The following SNX29 variants were observed in gnomAD, a reference collection of about 807,000 sequenced individuals.
The protein encoded by SNX29 is sorting nexin-29.
A neutral mutation model predicts 102.1 loss-of-function variants in SNX29; 78 were observed. That is an observed-to-expected ratio of 0.76 (90% confidence interval 0.64 to 0.92). The LOEUF is 0.92. Among genes scored for constraint, SNX29 ranks in the 40% least tolerant of loss-of-function variants. The probability of loss-of-function intolerance (pLI) is 0.00; values close to 1 mark genes in which losing one functional copy is unlikely to be tolerated. For missense variants in SNX29, 1,280 were observed against 1,061.7 expected (o/e 1.21, Z -2.86); for synonymous variants, 580 against 414.5 (o/e 1.40, Z -4.85).
chr16:12,519,673 T>G, intron 19 of SNX29, among the ~76,000 whole-genome samples: 1 of 152,200 alleles, frequency 6.6e-6, no homozygotes, highest in African/African-American at 2.4e-5. Flanking sequence ...TTCATTAAAA[T>G]TTGTGCTGCT....
intron 19 of SNX29, among the ~76,000 whole-genome samples, chr16:12,497,760 A>G (rs911893463): frequency 3.9e-5 from 6 of 152,074 alleles, no homozygotes; most frequent in Non-Finnish European, 7.4e-5. Flanking sequence ...CAAGGCTTCC[A>G]TTGTATCCAC....
At chr16:12,247,098 G>T (rs1319217255) in intron 14 of SNX29, among the ~76,000 whole-genome samples, 1 of 152,238 alleles carries the variant, frequency 6.6e-6, no homozygotes, top group Non-Finnish European at 1.5e-5. Flanking sequence ...CCTAAACTGA[G>T]GGCTGGTGGT....
intron 19 of SNX29, among the ~76,000 whole-genome samples, chr16:12,488,623 T>G (rs1053150070): frequency 1.3e-5 from 2 of 152,170 alleles, no homozygotes; most frequent in African/African-American, 2.4e-5. Context: ...GTGGTTAATT[T>G]CCTTTCTCCC....
At chr16:12,383,030 G>A (rs926994634) in intron 16 of SNX29, among the ~76,000 whole-genome samples, 3 of 152,042 alleles carry the variant, frequency 2.0e-5, no homozygotes, top group Admixed American at 6.6e-5. Context: ...TCTTTTTGGA[G>A]GACACCGTTC....
At chr16:12,553,046 T>G (rs142043696) in intron 20 of SNX29, among the ~76,000 whole-genome samples, 1 of 152,306 alleles carries the variant, frequency 6.6e-6, no homozygotes, top group East Asian at 1.9e-4. Flanking sequence ...GGGACACTAA[T>G]TGGAGATGGT....
intron 15 of SNX29, among the ~76,000 whole-genome samples, chr16:12,293,491 C>T (rs147687239): frequency 9.1e-4 from 139 of 152,276 alleles, no homozygotes; most frequent in African/African-American, 3.3e-3. Context: ...TTTCTGTTTC[C>T]TGACACATTT....
rs372510269 is a variant in SNX29 at position 12,559,759 on chromosome 16, A to G, written c.2319-8747A>G. 5.9e-5 allele frequency among the ~76,000 whole-genome samples: 9 copies of G among 152,260 alleles called. No individual in the cohort carries two copies. In the East Asian group the frequency reaches 9.7e-4, roughly 16 times the overall value. ...AAATAGTGATGCCCAGCCTGACAGCAGTCACTCTGAAAGCATTACACAGCA... is the reference window on the plus strand; with the variant it reads ...AAATAGTGATGCCCAGCCTGACAGCGGTCACTCTGAAAGCATTACACAGCA... On this transcript the variant is annotated intron_variant, in intron 20 of 20. Coordinates refer to ENST00000566228, the MANE Select transcript of SNX29 (RefSeq NM_032167.5).
chr16:12,366,602 C>G (rs1355836907), intron 16 of SNX29, among the ~76,000 whole-genome samples: 5 of 152,194 alleles, frequency 3.3e-5, no homozygotes, highest in Admixed American at 6.5e-5. Context: ...ACTCACCAGC[C>G]TGGTCAGAGT....
intron 3 of SNX29, among the ~76,000 whole-genome samples, chr16:12,025,114 C>T (rs1403466205): frequency 4.6e-5 from 7 of 151,826 alleles, no homozygotes; most frequent in Middle Eastern, 3.2e-3. Flanking sequence ...CCAGCCTGGC[C>T]GACATGGTGA....
At chr16:12,380,649 A>ACCCACCAT (rs1487236769) in intron 16 of SNX29, among the ~76,000 whole-genome samples, 1 of 59,106 alleles carries the variant, frequency 1.7e-5, no homozygotes, top group Non-Finnish European at 3.1e-5. Flanking sequence ...CCATCCACCC[A>ACCCACCAT]CCATCCATCC....
intron 20 of SNX29, among the ~76,000 whole-genome samples, chr16:12,538,285 T>C (rs1456119162): frequency 6.6e-6 from 1 of 152,096 alleles, no homozygotes; most frequent in Non-Finnish European, 1.5e-5. Flanking sequence ...CTGGCTAATT[T>C]TGTATTTTTG....
At chr16:12,544,788 CA>C (rs1220210907) in intron 20 of SNX29, among the ~76,000 whole-genome samples, 12 of 152,314 alleles carry the variant, frequency 7.9e-5, no homozygotes, top group African/African-American at 2.9e-4. Context: ...ACTGCAGAGC[CA>C]GGATTCTAGA....
Position 12,086,227 on chromosome 16 carries a change from A to G in SNX29, c.1402+7312A>G, listed in dbSNP as rs529888017. Among the ~76,000 whole-genome samples, 9 of 151,292 alleles carry G rather than the reference A, an allele frequency of 5.9e-5. 1 individual carries two copies. The South Asian group carries it at 1.9e-3, about 32-fold the overall frequency. Reference sequence around the variant, plus strand: ...CACTGTGTTAGCCAGGATGGTCTCAATCTCCTTTCCTTGTGATCTGCCCGC... The same window carrying G: ...CACTGTGTTAGCCAGGATGGTCTCAGTCTCCTTTCCTTGTGATCTGCCCGC... On this transcript the variant is annotated intron_variant, in intron 11 of 20. Coordinates refer to ENST00000566228, the MANE Select transcript of SNX29 (RefSeq NM_032167.5).
At chr16:12,390,322 G>A (rs1038039161) in intron 16 of SNX29, among the ~76,000 whole-genome samples, 1 of 152,000 alleles carries the variant, frequency 6.6e-6, no homozygotes, top group Non-Finnish European at 1.5e-5. Context: ...TTCCCCCGTC[G>A]GAGCACAGAC....
At chr16:12,169,295 A>G (rs1288608689) in intron 13 of SNX29, among the ~76,000 whole-genome samples, 1 of 152,174 alleles carries the variant, frequency 6.6e-6, no homozygotes, top group Non-Finnish European at 1.5e-5. Flanking sequence ...TCAAAGCGCA[A>G]GTGACGCCGC....
At chr16:12,509,587 T>C (rs1263935904) in intron 19 of SNX29, among the ~76,000 whole-genome samples, 2 of 152,206 alleles carry the variant, frequency 1.3e-5, no homozygotes, top group African/African-American at 4.8e-5. Context: ...AGAAAATATC[T>C]TTCCTTTTTG....
chr16:12,270,894 T>C (rs2079072464), intron 14 of SNX29, among the ~76,000 whole-genome samples: 1 of 152,000 alleles, frequency 6.6e-6, no homozygotes, highest in East Asian at 1.9e-4. Context: ...ATACAAAAAA[T>C]TAGCTGGGCG....
intron 20 of SNX29, among the ~76,000 whole-genome samples, chr16:12,549,920 C>T (rs1278132495): frequency 6.6e-6 from 1 of 152,238 alleles, no homozygotes; most frequent in Non-Finnish European, 1.5e-5. Flanking sequence ...CAGGCCAAAT[C>T]TTACCCTCCA....
rs181464881 is a variant in SNX29 at position 12,086,248 on chromosome 16, C to G, written c.1402+7333C>G. Among the ~76,000 whole-genome samples the G allele has an allele frequency of 1.1e-3, 160 of 152,216 alleles. 1 individual carries two copies. The highest frequency in any genetic ancestry group is 0.01 in the Middle Eastern group (3 of 294). On this transcript the variant is annotated intron_variant, in intron 11 of 20. Coordinates refer to ENST00000566228, the MANE Select transcript of SNX29 (RefSeq NM_032167.5). ...CTCAATCTCCTTTCCTTGTGATCTG[C>G]CCGCCTCGGCGTCTCAAAGTGTTGG...
Sources: gnomAD v4.1 joint callset for allele counts (sites outside exome capture counted in the v4.1 genomes callset) on GRCh38, gnomAD v4.1.1 for gene constraint, MANE v1.5 for transcripts, NCBI Gene and HGNC (gene_info 2026-07-23, HGNC 2026-07-21) for gene names.